Variants in MLYCD observed in about 807,000 individuals in gnomAD.
MLYCD encodes the protein malonyl-CoA decarboxylase, mitochondrial.
In MLYCD, 27 loss-of-function variants were observed where a neutral mutation model predicts 35.8. That is an observed-to-expected ratio of 0.75 (90% CI 0.56 to 1.04). The LOEUF (loss-of-function observed/expected upper bound fraction) is 1.04, where lower values mean the gene tolerates loss of function less well. MLYCD is among the 50% of genes least tolerant of loss of function. MLYCD has a pLI of 0.00. For missense variants in MLYCD, 917 were observed against 665.1 expected, an observed-to-expected ratio of 1.38 and a Z score of -4.17; for synonymous variants, 403 against 302.4, an observed-to-expected ratio of 1.33 and a Z score of -3.45.
At chr16:83,901,614 C>T (rs772236112) in intron 1 of MLYCD, among the ~76,000 whole-genome samples, 3 of 152,208 alleles carry the variant, frequency 2.0e-5, no homozygotes, top group Non-Finnish European at 2.9e-5. Flanking sequence ...TTCTCTGGTT[C>T]TGTGAGATGC....
In MLYCD at chr16:83,915,454, C is replaced by G. The variant is rs1907348327; in HGVS notation, c.1447C>G (p.Leu483Val). Residue 483 changes from leucine to valine, a missense_variant, in exon 5 of 5, where the codon CTA (leucine) becomes GTA (valine). Transcript: ENST00000262430. The stretch of plus-strand genomic sequence containing the variant: ...CAAAGCCTCTGAGCAGGTCCTCAGC[C>G]TAGTGGCCCAGTTTCAAAAGAACAG... ...IIKASEQVLS[L>V]VAQFQKNSKL The G allele has an allele frequency of 1.2e-6, 2 of 1,613,072 alleles. No homozygotes were observed. The highest frequency in any genetic ancestry group is 8.5e-7 in the Non-Finnish European group (1 of 1,180,038).
In MLYCD at chr16:83,918,757, GCACACAGTGCACAGAGAAC is replaced by G. The variant is rs1296207490; in HGVS notation, c.*3283_*3301del. The G allele has an allele frequency of 1.5e-5, 2 of 132,614 alleles. No homozygotes were observed. The highest frequency in any genetic ancestry group is 2.6e-4 in the East Asian group (1 of 3,854). 8.2% of individuals were successfully genotyped at this position (132,614 alleles called of 1,614,324 possible). A position where few individuals can be genotyped will look rare whatever the true frequency, so the allele number is the denominator to read the frequency against. On this transcript the variant is annotated 3_prime_UTR_variant, in exon 5 of 5. Transcript: ENST00000262430. The stretch of plus-strand genomic sequence containing the variant: ...CAGAACACAGTGCACAGGAGAACAC[GCACACAGTGCACAGAGAAC>G]CACACAGTGCACAGGAGAATACGCA...
At chr16:83,901,198 A>G (rs1250806672) in intron 1 of MLYCD, among the ~76,000 whole-genome samples, 1 of 152,208 alleles carries the variant, frequency 6.6e-6, no homozygotes, top group Non-Finnish European at 1.5e-5. Context: ...TCAGTCATGA[A>G]TTCTTACTGT....
intron 3 of MLYCD, among the ~76,000 whole-genome samples, chr16:83,908,661 T>C (rs1454218823): frequency 1.3e-5 from 2 of 152,236 alleles, no homozygotes; most frequent in Non-Finnish European, 2.9e-5. Context: ...TTTTGAAAGA[T>C]ACTTGATTAG....
In MLYCD at chr16:83,912,301, C is replaced by G; in HGVS notation, c.882C>G (p.Thr294=). The part of the protein sequence containing the change: ...TAAIFYSISL[T]QQGLQGVELG... ...CGATCTTTTATTCCATCAGCTTGAC[C>G]CAGCAGGGACTCCAAGGGGTGGAGC... is the stretch of plus-strand genomic sequence containing the variant. The change falls in exon 4 of 5, where the codon ACC becomes ACG. Residue 294 remains threonine (T), a synonymous_variant. Transcript: ENST00000262430. 1 of 1,614,166 alleles carries G rather than the reference C, an allele frequency of 6.2e-7. No individual in the cohort carries two copies. Among genetic ancestry groups the G allele is most frequent in the Non-Finnish European group, 8.5e-7 (1 of 1,180,028 alleles).
chr16:83,910,000 G>C (rs1240167678), intron 3 of MLYCD, among the ~76,000 whole-genome samples: 1 of 151,984 alleles, frequency 6.6e-6, no homozygotes, highest in Admixed American at 6.6e-5. Flanking sequence ...CATGATCATC[G>C]AGCAAGTAAG....
chr16:83,900,161 A>T (rs1906733600), intron 1 of MLYCD, among the ~76,000 whole-genome samples: 1 of 152,154 alleles, frequency 6.6e-6, no homozygotes, highest in Admixed American at 6.5e-5. Flanking sequence ...ATAGGACTCA[A>T]GGTCACCACC....
chr16:83,908,915 C>T (rs554501815), intron 3 of MLYCD, among the ~76,000 whole-genome samples: 1 of 152,158 alleles, frequency 6.6e-6, no homozygotes, highest in African/African-American at 2.4e-5. Flanking sequence ...CATGAGACCC[C>T]TGGGGCATTG....
rs370746303 is a variant in MLYCD, at chr16:83,926,540, C to G, written c.*11051C>G. The G allele has an allele frequency of 2.0e-5, 3 of 152,330 alleles. No homozygotes were observed. The highest frequency in any genetic ancestry group is 4.4e-5 in the Non-Finnish European group (3 of 68,100). 9.4% of individuals were successfully genotyped at this position (152,330 alleles called of 1,614,324 possible). ...GCCCTTCTCAGGAGCCCACTTCCAC[C>G]TCTCGCAGGCTAGACAGCGTTCCCC... On this transcript the variant is annotated 3_prime_UTR_variant, in exon 5 of 5. Transcript: ENST00000262430.
In MLYCD at chr16:83,901,719, C is replaced by A. The variant is rs1906792237; in HGVS notation, c.528+2047C>A. ...ACGTTGCATGGCAACTGAAGACACT[C>A]ACATCCAGACTTGACTGTTGAGAGA... On this transcript the variant is annotated intron_variant, in intron 1 of 4. Coordinates refer to ENST00000262430, the MANE Select transcript of MLYCD (RefSeq NM_012213.3). 2.6e-5 allele frequency among the ~76,000 whole-genome samples: 4 copies of A among 152,192 alleles called. No homozygotes were observed. The South Asian group carries it at 8.3e-4, about 32-fold the overall frequency.
At position 83,916,288 on chromosome 16, in the gene MLYCD, T is replaced by C. The variant is rs906842279; in HGVS notation, c.*799T>C. On this transcript the variant is annotated 3_prime_UTR_variant, in exon 5 of 5. Transcript: ENST00000262430. ...TTGGGATGAAGGAGCCTGGGGTGTG[T>C]TGGATGAGAACAAAGGTGAAGGAAG... The C allele has an allele frequency of 1.5e-4, 117 of 765,352 alleles. No homozygotes were observed. The highest frequency in any genetic ancestry group is 1.8e-4 in the Non-Finnish European group (115 of 627,454). 47.4% of individuals were successfully genotyped at this position (765,352 alleles called of 1,614,324 possible).
chr16:83,902,991 T>G (rs1906852017), intron 1 of MLYCD, among the ~76,000 whole-genome samples: 2 of 152,034 alleles, frequency 1.3e-5, no homozygotes, highest in African/African-American at 2.4e-5. Context: ...AGGCTTTTTG[T>G]TTTTCTCCAG....
At chr16:83,911,694 A>T (rs1249631807) in intron 3 of MLYCD, 5 of 158,422 alleles carry the variant, frequency 3.2e-5, no homozygotes, top group Non-Finnish European at 7.0e-5. Context: ...TGAAAAAGTC[A>T]AACAAAGGTA....
intron 4 of MLYCD, 74 bp downstream of exon 4, chr16:83,912,441 A>C: frequency 2.5e-6 from 4 of 1,582,234 alleles, no homozygotes; most frequent in Non-Finnish European, 3.5e-6. Context: ...GTGGGGTGTC[A>C]GGTGCCATGA....
In MLYCD at chr16:83,915,283, A is replaced by G. The variant is rs771229830; in HGVS notation, c.1276A>G (p.Asn426Asp). 1.9e-6 allele frequency: 3 copies of G among 1,612,870 alleles called. No individual in the cohort carries two copies. The East Asian group carries it at 6.7e-5, about 36-fold the overall frequency. ...CCCCGTGGCCAACTTCCACCTGCAG[A>G]ACGGGGCGGTGCTGTGGCGCATCAA... ...LNPVANFHLQ[N>D]GAVLWRINWM... Residue 426 changes from asparagine (N) to aspartate (D), a missense_variant, in exon 5 of 5, where the codon AAC (asparagine) becomes GAC (aspartate). Coordinates refer to ENST00000262430, the MANE Select transcript of MLYCD (RefSeq NM_012213.3).
rs1483171747 is a variant in MLYCD at position 83,926,492 on chromosome 16, G to A, written c.*11003G>A. 1.3e-5 allele frequency: 2 copies of A among 152,244 alleles called. No homozygotes were observed. Among genetic ancestry groups the A allele is most frequent in the Non-Finnish European group, 2.9e-5 (2 of 68,080 alleles). The allele number at this position is 152,244 out of a possible 1,614,324, so 9.4% of individuals were successfully genotyped here. ...GGAAGTTCCCTTTAAACCCAAAAGGGGACGGTGAAGCCACACGCGGCCGCC... is the reference window on the plus strand; with the variant it reads ...GGAAGTTCCCTTTAAACCCAAAAGGAGACGGTGAAGCCACACGCGGCCGCC... On this transcript the variant is annotated 3_prime_UTR_variant, in exon 5 of 5. Transcript: ENST00000262430.
chr16:83,915,594 T>C lies in MLYCD; in HGVS notation c.*105T>C, dbSNP rs1907355259. Reference sequence around the variant, plus strand: ...AGCAGCTTTCCAAGCAAAGCCAAAGTTGACTGTGTTCTTGTCCCGCAGCCG... The same window carrying C: ...AGCAGCTTTCCAAGCAAAGCCAAAGCTGACTGTGTTCTTGTCCCGCAGCCG... On this transcript the variant is annotated 3_prime_UTR_variant, in exon 5 of 5. Transcript: ENST00000262430. 2.6e-6 allele frequency: 4 copies of C among 1,543,290 alleles called. No individual in the cohort carries two copies. In the East Asian group the frequency reaches 7.1e-5, roughly 27 times the overall value.
Position 83,926,965 on chromosome 16 carries a change from C to G in MLYCD, c.*11476C>G, listed in dbSNP as rs1403410468. ...CAGTTGGCCGAGATGGCGCCACTCA[C>G]TCCAGCCTGGCGACAGAGCGAGACT... On this transcript the variant is annotated 3_prime_UTR_variant, in exon 5 of 5. Coordinates refer to ENST00000262430, the MANE Select transcript of MLYCD (RefSeq NM_012213.3). The G allele has an allele frequency of 6.6e-6, 1 of 152,246 alleles. No individual in the cohort carries two copies. Among genetic ancestry groups the G allele is most frequent in the African/African-American group, 2.4e-5 (1 of 41,446 alleles). 9.4% of individuals were successfully genotyped at this position (152,246 alleles called of 1,614,324 possible).
At chr16:83,912,637 C>G in intron 4 of MLYCD, 1 of 479,810 alleles carries the variant, frequency 2.1e-6, no homozygotes, top group Non-Finnish European at 3.8e-6. Flanking sequence ...TCAACTCTCT[C>G]TAGGGTGACC....
Sources: gnomAD v4.1 joint callset for allele counts (sites outside exome capture counted in the v4.1 genomes callset) on GRCh38, gnomAD v4.1.1 for gene constraint, MANE v1.5 for transcripts, NCBI Gene and HGNC (gene_info 2026-07-23, HGNC 2026-07-21) for gene names.